The following ECT2 variants were observed in gnomAD, a reference collection of about 807,000 sequenced individuals.
The protein encoded by ECT2 is protein ECT2.
In ECT2, 61 loss-of-function variants were observed where a neutral mutation model predicts 116.9. The observed-to-expected ratio is 0.52, with a 90% confidence interval of 0.42 to 0.65. The LOEUF is 0.65. Ranked by LOEUF, ECT2 falls within the 30% of genes least tolerant of loss-of-function variation. The pLI, the probability that ECT2 is intolerant of heterozygous loss-of-function variation, is 0.00. For synonymous variants in ECT2, 358 were observed against 346.4 expected, an observed-to-expected ratio of 1.03 and a Z score of -0.37; for missense variants, 937 against 1,078.7, an observed-to-expected ratio of 0.87 and a Z score of 1.84.
chr3:172,828,749 G>A, the ECT2 span: 1,414 of 584,140 alleles, frequency 2.4e-3, 14 homozygotes, highest in African/African-American at 0.024. Context: ...CGAAGAGGAT[G>A]AGGAAGGTGA....
chr3:172,805,225 T>A (rs567506886), intron 20 of ECT2, among the ~76,000 whole-genome samples: 5 of 152,296 alleles, frequency 3.3e-5, no homozygotes, highest in African/African-American at 1.2e-4. Flanking sequence ...TAATTTGGGA[T>A]TTAAGGATAT....
chr3:172,792,907 A>G (rs1323457391), intron 18 of ECT2, among the ~76,000 whole-genome samples: 1 of 151,844 alleles, frequency 6.6e-6, no homozygotes, highest in African/African-American at 2.4e-5. Context: ...TTTTGTGGAG[A>G]CAGGGTTTCA....
At chr3:172,789,920 T>C (rs1724340423) in intron 18 of ECT2, among the ~76,000 whole-genome samples, 2 of 152,224 alleles carry the variant, frequency 1.3e-5, no homozygotes, top group South Asian at 4.1e-4. Context: ...CTTGAACCCC[T>C]CAAAGTCATC....
chr3:172,804,509 A>G (rs1727320556), intron 20 of ECT2, among the ~76,000 whole-genome samples: 1 of 152,178 alleles, frequency 6.6e-6, no homozygotes, highest in Non-Finnish European at 1.5e-5. Context: ...AACAGATGCT[A>G]GGCAGAGTCA....
intron 18 of ECT2, among the ~76,000 whole-genome samples, chr3:172,798,004 C>T (rs916262590): frequency 6.6e-6 from 1 of 152,078 alleles, no homozygotes; most frequent in Non-Finnish European, 1.5e-5. Context: ...GCAAACTTCC[C>T]CCAAATCAAA....
chr3:172,776,523 A>G (rs1372273045), intron 14 of ECT2, among the ~76,000 whole-genome samples: 1 of 152,088 alleles, frequency 6.6e-6, no homozygotes, highest in East Asian at 1.9e-4. Flanking sequence ...GAGCATTACC[A>G]CATCTATTGA....
chr3:172,775,648 T>C (rs935407797), intron 14 of ECT2, among the ~76,000 whole-genome samples: 1 of 151,916 alleles, frequency 6.6e-6, no homozygotes, highest in Admixed American at 6.5e-5. Flanking sequence ...CTTTTTTTTT[T>C]TTTGAGGTGG....
At chr3:172,773,692 C>T (rs529127508) in intron 13 of ECT2, among the ~76,000 whole-genome samples, 34 of 152,026 alleles carry the variant, frequency 2.2e-4, no homozygotes, top group Non-Finnish European at 2.8e-4. Context: ...CATTTCATGA[C>T]GAGCATATGT....
chr3:172,753,175 C>T (rs1348811659), intron 1 of ECT2, among the ~76,000 whole-genome samples: 1 of 152,170 alleles, frequency 6.6e-6, no homozygotes, highest in Non-Finnish European at 1.5e-5. Context: ...TCACAGCTCA[C>T]TACAACCTCA....
Position 172,775,548 on chromosome 3 carries a change from A to G in ECT2, c.1548+1526A>G, listed in dbSNP as rs191589805. ...TAGGATTCTGAATTTTTGAAGAGGA[A>G]AGTACTCTTGGAATATTTTTTGTTT... On this transcript the variant is annotated intron_variant, in intron 14 of 24. Transcript: ENST00000392692. Among the ~76,000 whole-genome samples, 407 of 152,300 alleles carry G rather than the reference A, an allele frequency of 2.7e-3. 2 individuals carry two copies. The highest frequency in any genetic ancestry group is 9.2e-3 in the African/African-American group (383 of 41,586).
intron 11 of ECT2, among the ~76,000 whole-genome samples, chr3:172,763,969 CTG>C (rs1322427432): frequency 1.3e-5 from 2 of 152,202 alleles, no homozygotes; most frequent in Non-Finnish European, 2.9e-5. Context: ...AGCGAACAGA[CTG>C]TGAATGGCCC....
intron 13 of ECT2, among the ~76,000 whole-genome samples, chr3:172,770,104 A>G (rs1720324028): frequency 6.6e-6 from 1 of 152,202 alleles, no homozygotes; most frequent in Non-Finnish European, 1.5e-5. Flanking sequence ...GTTTAGGAGC[A>G]GTCAGGGTTT....
At chr3:172,779,688 T>C (rs1462985597) in intron 14 of ECT2, among the ~76,000 whole-genome samples, 1 of 152,126 alleles carries the variant, frequency 6.6e-6, no homozygotes, top group African/African-American at 2.4e-5. Flanking sequence ...GGAATATCGC[T>C]TGAATCTAGG....
Position 172,760,274 on chromosome 3 carries a change from T to C in ECT2, c.684+11T>C. 1 of 1,554,742 alleles carries C rather than the reference T, an allele frequency of 6.4e-7. No homozygotes were observed. The highest frequency in any genetic ancestry group is 8.9e-7 in the Non-Finnish European group (1 of 1,129,864). Reference sequence around the variant, plus strand: ...GGAGAAAAATTCAGGGTATGTAAACTTGGGTATTTTTGTGTATTTCAATAC... The same window carrying C: ...GGAGAAAAATTCAGGGTATGTAAACCTGGGTATTTTTGTGTATTTCAATAC... On this transcript the variant is annotated intron_variant, in intron 7 of 24. Coordinates refer to ENST00000392692, the MANE Select transcript of ECT2 (RefSeq NM_001258315.2).
intron 20 of ECT2, among the ~76,000 whole-genome samples, chr3:172,803,858 G>A (rs1727178650): frequency 6.7e-6 from 1 of 149,842 alleles, no homozygotes; most frequent in African/African-American, 2.5e-5. Context: ...AGCTTGGAGT[G>A]CAGTGGCAAG....
intron 18 of ECT2, among the ~76,000 whole-genome samples, chr3:172,801,114 T>C (rs1577001823): frequency 6.6e-6 from 1 of 152,104 alleles, no homozygotes; most frequent in Non-Finnish European, 1.5e-5. Context: ...TATCTCTGTT[T>C]CAATTTTTTT....
intron 16 of ECT2, among the ~76,000 whole-genome samples, chr3:172,784,247 A>G (rs1723221448): frequency 6.6e-6 from 1 of 151,990 alleles, no homozygotes; most frequent in South Asian, 2.1e-4. Context: ...GGAGTTTGAG[A>G]TCATCCTGAG....
At chr3:172,753,473 G>A (rs1315629990) in intron 1 of ECT2, among the ~76,000 whole-genome samples, 1 of 152,118 alleles carries the variant, frequency 6.6e-6, no homozygotes, top group African/African-American at 2.4e-5. Context: ...CTTAAAAAAG[G>A]ATTTTCTTTC....
At chr3:172,807,545 A>C (rs1468207527) in intron 21 of ECT2, among the ~76,000 whole-genome samples, 4 of 152,228 alleles carry the variant, frequency 2.6e-5, no homozygotes, top group Non-Finnish European at 5.9e-5. Flanking sequence ...AATGTCATTA[A>C]CTTATCATCA....
Sources: allele counts gnomAD v4.1 joint callset (sites outside exome capture counted in the v4.1 genomes callset), GRCh38; gene constraint gnomAD v4.1.1; transcripts MANE v1.5; gene names NCBI Gene and HGNC (gene_info 2026-07-23, HGNC 2026-07-21).